The following PCDHGB7 variants were observed in gnomAD, a reference collection of about 807,000 sequenced individuals.
PCDHGB7 encodes protocadherin gamma-B7.
A neutral mutation model predicts 61.4 loss-of-function variants in PCDHGB7; 37 were observed. That is an observed-to-expected ratio of 0.60 (90% CI 0.46 to 0.79). PCDHGB7 has a LOEUF of 0.79. Among genes scored for constraint, PCDHGB7 ranks in the 30% least tolerant of loss-of-function variants. The probability of loss-of-function intolerance (pLI) is 0.00; values close to 1 mark genes in which losing one functional copy is unlikely to be tolerated. For synonymous variants in PCDHGB7, 464 were observed against 503.5 expected (o/e 0.92, Z 1.05); for missense variants, 1,166 against 1,202.5 (o/e 0.97, Z 0.45).
chr5:141,418,171 G>A lies in PCDHGB7; in HGVS notation c.312G>A (p.Leu104=), dbSNP rs2096234086. The A allele has an allele frequency of 6.2e-7, 1 of 1,613,952 alleles. No individual in the cohort carries two copies. The highest frequency in any genetic ancestry group is 1.3e-5 in the African/African-American group (1 of 74,942). The change falls in exon 1 of 4, where the codon TTG becomes TTA. Residue 104 remains leucine (L), a synonymous_variant. Coordinates refer to ENST00000398594, the MANE Select transcript of PCDHGB7 (RefSeq NM_018927.4). Reference sequence around the variant, plus strand: ...GCAAAGAGAGAAGAAGATGTGAGTTGCAATTGGAAGCTGTGGTGGAAAATC... The same window carrying A: ...GCAAAGAGAGAAGAAGATGTGAGTTACAATTGGAAGCTGTGGTGGAAAATC... ...QICKERRRCE[L]QLEAVVENPL...
intron 1 of PCDHGB7, chr5:141,421,041 C>G (rs963777669): frequency 5.5e-6 from 3 of 546,514 alleles, no homozygotes; most frequent in Non-Finnish European, 9.5e-6. Context: ...TCCCTCCCTC[C>G]CCCGCCTCTA....
At chr5:141,428,362 G>T (rs868168419) in intron 1 of PCDHGB7, 2 of 556,756 alleles carry the variant, frequency 3.6e-6, no homozygotes, top group Non-Finnish European at 6.6e-6. Context: ...TTTGGCGGTC[G>T]CCTTGCACCT....
At chr5:141,444,834 A>G (rs892892307) in intron 1 of PCDHGB7, among the ~76,000 whole-genome samples, 1 of 152,132 alleles carries the variant, frequency 6.6e-6, no homozygotes, top group African/African-American at 2.4e-5. Context: ...TTGTAGCTTT[A>G]TAGTAAGTCT....
intron 1 of PCDHGB7, chr5:141,424,513 T>C (rs1339689551): frequency 6.6e-6 from 1 of 152,224 alleles, no homozygotes; most frequent in Non-Finnish European, 1.5e-5. Context: ...GGTTTTTTAA[T>C]GTAGTAAATC....
intron 1 of PCDHGB7, among the ~76,000 whole-genome samples, chr5:141,450,816 T>C (rs960010807): frequency 7.9e-6 from 1 of 126,568 alleles, no homozygotes; most frequent in Non-Finnish European, 1.6e-5. Context: ...ATTTATTTAA[T>C]ATTATTATTA....
chr5:141,432,649 A>C lies in PCDHGB7; in HGVS notation c.2415+12375A>C, dbSNP rs769351399. The C allele has an allele frequency of 5.6e-6, 9 of 1,613,742 alleles. No individual in the cohort carries two copies. The highest frequency in any genetic ancestry group is 6.8e-6 in the Non-Finnish European group (8 of 1,179,918). ...ACACGGGCGAGGTGCGCACGGCGCG[A>C]GCCCTGCTGGACAGAGACGCGCTCA... is the stretch of plus-strand genomic sequence containing the variant. On this transcript the variant is annotated intron_variant, in intron 1 of 3. Transcript: ENST00000398594. This position sits in a 1 kb window ranked among gnomAD's most constrained non-coding sequence, Gnocchi z 6.0.
At chr5:141,460,341 C>T (rs557699438) in intron 1 of PCDHGB7, among the ~76,000 whole-genome samples, 39 of 152,110 alleles carry the variant, frequency 2.6e-4, no homozygotes, top group Admixed American at 2.4e-3. Flanking sequence ...ATGATTTTCT[C>T]CTATATTTTC....
chr5:141,464,578 A>G (rs2099086989), intron 1 of PCDHGB7, among the ~76,000 whole-genome samples: 1 of 152,164 alleles, frequency 6.6e-6, no homozygotes, highest in Non-Finnish European at 1.5e-5. Flanking sequence ...ATAGATGAGA[A>G]TGTCCATTGT....
At chr5:141,460,453 A>G (rs1487816393) in intron 1 of PCDHGB7, among the ~76,000 whole-genome samples, 1 of 152,152 alleles carries the variant, frequency 6.6e-6, no homozygotes, top group Non-Finnish European at 1.5e-5. Flanking sequence ...ATGAAGATTC[A>G]TATTTTTTTC....
At chr5:141,471,892 T>C (rs1429425311) in intron 1 of PCDHGB7, among the ~76,000 whole-genome samples, 1 of 152,166 alleles carries the variant, frequency 6.6e-6, no homozygotes, top group Admixed American at 6.6e-5. Context: ...GCTAGGAAGA[T>C]TGACTACAGA....
chr5:141,458,549 T>A (rs2098948402), intron 1 of PCDHGB7, among the ~76,000 whole-genome samples: 1 of 148,072 alleles, frequency 6.8e-6, no homozygotes, highest in African/African-American at 2.6e-5. Flanking sequence ...ATTTTGTTTG[T>A]TTGTTTTGGT....
chr5:141,484,757 T>C (rs2099600412), intron 1 of PCDHGB7, among the ~76,000 whole-genome samples: 1 of 151,626 alleles, frequency 6.6e-6, no homozygotes, highest in East Asian at 1.9e-4. Flanking sequence ...AATGTATATA[T>C]ATATATATGT....
chr5:141,510,398 G>A (rs2099880972), intron 3 of PCDHGB7, among the ~76,000 whole-genome samples: 1 of 152,064 alleles, frequency 6.6e-6, no homozygotes, highest in African/African-American at 2.4e-5. Flanking sequence ...CTTGGCAAAG[G>A]CTAGGGGCAT....
intron 3 of PCDHGB7, among the ~76,000 whole-genome samples, chr5:141,506,621 G>A (rs143369587): frequency 1.3e-5 from 2 of 152,178 alleles, no homozygotes; most frequent in African/African-American, 4.8e-5. Flanking sequence ...GTGTTACCAG[G>A]GCCAAATGCA....
intron 2 of PCDHGB7, among the ~76,000 whole-genome samples, chr5:141,500,894 C>CAG (rs10656935): frequency 0.58 from 88,074 of 150,994 alleles, 27,125 homozygotes; most frequent in African/African-American, 0.78. Flanking sequence ...TTTTTTGAGA[C>CAG]AGTCTCGCTC....
intron 3 of PCDHGB7, 110 bp from the exon 4 acceptor site, chr5:141,510,837 G>A (rs969654751): frequency 1.3e-6 from 2 of 1,586,392 alleles, no homozygotes; most frequent in Non-Finnish European, 8.6e-7. Context: ...GCTCAGCGTG[G>A]TCAAGGCCCA....
intron 1 of PCDHGB7, among the ~76,000 whole-genome samples, chr5:141,475,171 C>A (rs545499118): frequency 6.6e-6 from 1 of 152,164 alleles, no homozygotes; most frequent in African/African-American, 2.4e-5. Context: ...AGCAGTGCAA[C>A]TTCTTGTGGC....
Position 141,420,006 on chromosome 5 carries a change from G to T in PCDHGB7, c.2147G>T (p.Arg716Leu). ...ATTCTAGCTATTGCTCTACGCCTGCGACAGTCTTTCAGCCCTACTGCAGGA... is the reference window on the plus strand; with the variant it reads ...ATTCTAGCTATTGCTCTACGCCTGCTACAGTCTTTCAGCCCTACTGCAGGA... ...AVILAIALRLRQSFSPTAGDC... is the reference protein window; with the variant it reads ...AVILAIALRLLQSFSPTAGDC... Residue 716 changes from arginine (R) to leucine (L), a missense_variant, in exon 1 of 4, where the codon CGA (arginine) becomes CTA (leucine). Transcript: ENST00000398594. 6.2e-7 allele frequency: 1 copy of T among 1,614,052 alleles called. No homozygotes were observed. Among genetic ancestry groups the T allele is most frequent in the Non-Finnish European group, 8.5e-7 (1 of 1,179,910 alleles).
chr5:141,421,847 C>G, intron 1 of PCDHGB7: 1 of 1,613,752 alleles, frequency 6.2e-7, no homozygotes, highest in Non-Finnish European at 8.5e-7. Flanking sequence ...GAGAAAGAGG[C>G]TGCTCACCTG....
Sources: allele counts gnomAD v4.1 joint callset (sites outside exome capture counted in the v4.1 genomes callset), GRCh38; gene constraint gnomAD v4.1.1; non-coding constraint Gnocchi (gnomAD v3.1); transcripts MANE v1.5; gene names NCBI Gene and HGNC (gene_info 2026-07-23, HGNC 2026-07-21).